PRICKLE2: variants seen among roughly 807,000 people sequenced by gnomAD.
PRICKLE2 encodes the protein prickle-like protein 2.
A neutral mutation model predicts 81.4 loss-of-function variants in PRICKLE2; 21 were observed. That is an observed-to-expected ratio of 0.26 (90% CI 0.18 to 0.37). The LOEUF is 0.37. PRICKLE2 is among the 10% of genes least tolerant of loss of function. The probability of loss-of-function intolerance (pLI) is 1.00; values close to 1 mark genes in which losing one functional copy is unlikely to be tolerated. For synonymous variants in PRICKLE2, 456 were observed against 421.5 expected, an observed-to-expected ratio of 1.08 and a Z score of -1.00; for missense variants, 940 against 1,109.0, an observed-to-expected ratio of 0.85 and a Z score of 2.16.
chr3:64,263,938 G>A (rs1482132312), intron 2 of PRICKLE2, among the ~76,000 whole-genome samples: 1 of 152,114 alleles, frequency 6.6e-6, no homozygotes, highest in Non-Finnish European at 1.5e-5. Context: ...GGGACCTCAT[G>A]GACTGCTGTC....
chr3:64,152,552 A>AT (rs11331326), intron 6 of PRICKLE2, among the ~76,000 whole-genome samples: 160 of 144,740 alleles, frequency 1.1e-3, no homozygotes, highest in South Asian at 2.0e-3. Flanking sequence ...AGCTTTTGCT[A>AT]TTTTTTTTTT....
chr3:64,153,743 A>G, intron 5 of PRICKLE2: 1 of 263,802 alleles, frequency 3.8e-6, no homozygotes, highest in East Asian at 9.6e-5. Flanking sequence ...AAAATATCAT[A>G]TTAACACTTG....
intron 2 of PRICKLE2, among the ~76,000 whole-genome samples, chr3:64,241,110 C>G (rs1324424799): frequency 6.6e-6 from 1 of 152,234 alleles, no homozygotes; most frequent in Non-Finnish European, 1.5e-5. Context: ...TCATAGAATG[C>G]AAGCTGTCAC....
At chr3:64,165,061 G>T (rs17720984) in intron 2 of PRICKLE2, among the ~76,000 whole-genome samples, 1 of 152,014 alleles carries the variant, frequency 6.6e-6, no homozygotes, top group Admixed American at 6.5e-5. Context: ...TTCCATTGTC[G>T]TTATGGAACA....
intron 7 of PRICKLE2, among the ~76,000 whole-genome samples, chr3:64,137,580 A>G (rs920106440): frequency 6.6e-6 from 1 of 152,220 alleles, no homozygotes; most frequent in Non-Finnish European, 1.5e-5. Flanking sequence ...CTCCGGGCCC[A>G]GAAAATGTCA....
Position 64,258,845 on chromosome 3 carries a change from A to AAAGAAAGAAAGAAAAGAAAGAAAGAAAG in PRICKLE2, c.129-59879_129-59878insCTTTCTTTCTTTCTTTTCTTTCTTTCTT, listed in dbSNP as rs1553663504. ...TCTCAAAAAAAAAAAAAAAAAAAAA[A>AAAGAAAGAAAGAAAAGAAAGAAAGAAAG]AAAGAAAGAAAGAAAGAAAGAAAGA... On this transcript the variant is annotated intron_variant, in intron 2 of 8. Coordinates refer to the PRICKLE2 transcript ENST00000295902. 2.6e-4 allele frequency among the ~76,000 whole-genome samples: 9 copies of AAAGAAAGAAAGAAAAGAAAGAAAGAAAG among 34,008 alleles called. 1 individual carries two copies. The highest frequency in any genetic ancestry group is 9.0e-4 in the African/African-American group (7 of 7,746). The allele number at this position is 34,008 out of a possible 152,430, so 22.3% of individuals were successfully genotyped here.
At chr3:64,235,053 T>C (rs952879498) in intron 2 of PRICKLE2, among the ~76,000 whole-genome samples, 3 of 152,174 alleles carry the variant, frequency 2.0e-5, no homozygotes, top group Non-Finnish European at 4.4e-5. Flanking sequence ...GCTCTGTTTA[T>C]TTATTTTCAC....
intron 2 of PRICKLE2, among the ~76,000 whole-genome samples, chr3:64,175,550 T>A (rs1164887464): frequency 1.3e-5 from 2 of 152,234 alleles, no homozygotes; most frequent in Non-Finnish European, 2.9e-5. Flanking sequence ...TTTCTTCATA[T>A]GAAACTGAAT....
intron 2 of PRICKLE2, among the ~76,000 whole-genome samples, chr3:64,248,439 C>A (rs778455172): frequency 1.6e-4 from 25 of 152,116 alleles, no homozygotes; most frequent in Non-Finnish European, 3.5e-4. Context: ...TGCCGGGACA[C>A]CCACATATGC....
intron 1 of PRICKLE2, among the ~76,000 whole-genome samples, chr3:64,213,410 G>A (rs1466160287): frequency 6.6e-6 from 1 of 152,150 alleles, no homozygotes; most frequent in Non-Finnish European, 1.5e-5. Context: ...GTTGCAATAA[G>A]GCAGACAGGT....
chr3:64,101,899 A>G (rs989303173), intron 7 of PRICKLE2: 1 of 152,230 alleles, frequency 6.6e-6, no homozygotes, highest in African/African-American at 2.4e-5. Flanking sequence ...AACTAAACAA[A>G]GGTAAAATCA....
rs760984965 is a variant in PRICKLE2 at position 64,157,193 on chromosome 3, C to T, written c.569G>A (p.Cys190Tyr). 29 of 1,614,026 alleles carry T rather than the reference C, an allele frequency of 1.8e-5. No homozygotes were observed. Among genetic ancestry groups the T allele is most frequent in the Non-Finnish European group, 2.5e-5 (29 of 1,180,008 alleles). Residue 190 changes from cysteine to tyrosine, a missense_variant, in exon 5 of 8, where the codon TGC becomes TAC. Coordinates refer to ENST00000638394, the MANE Select transcript of PRICKLE2 (RefSeq NM_198859.4). ...GCAGGCAGCACAGCGCGGCTTCAGGCACTCAGCATGGTGCCTGCCACAGTA... is the reference window on the plus strand; with the variant it reads ...GCAGGCAGCACAGCGCGGCTTCAGGTACTCAGCATGGTGCCTGCCACAGTA... Reference protein sequence around the residue: ...KIYCGRHHAECLKPRCAACDE... With the variant: ...KIYCGRHHAEYLKPRCAACDE...
At chr3:64,241,491 T>C (rs1352547518) in intron 2 of PRICKLE2, among the ~76,000 whole-genome samples, 2 of 152,258 alleles carry the variant, frequency 1.3e-5, no homozygotes, top group Non-Finnish European at 2.9e-5. Flanking sequence ...TATGTACTTA[T>C]GTGTGCATGC....
In PRICKLE2 at chr3:64,147,399, C is replaced by T. The variant is rs372367565; in HGVS notation, c.1091G>A (p.Arg364Gln). Residue 364 changes from arginine (R) to glutamine (Q), a missense_variant, in exon 7 of 8, where the codon CGG becomes CAG. This residue lies in a region of PRICKLE2 where 670 missense variants were observed against 717.2 expected (regional missense o/e 0.93). Transcript: ENST00000638394. The surrounding 1 kb of genome is among the most constrained non-coding windows in gnomAD (Gnocchi z 5.0). ...QHSQLQVSSN[R>Q]LSADVDPLSL... is the part of the protein sequence containing the mutation. ...CAGGGGGTCTACGTCGGCTGACAGCCGGTTAGAACTCACTTGCAGCTGGCT... is the reference window on the plus strand; with the variant it reads ...CAGGGGGTCTACGTCGGCTGACAGCTGGTTAGAACTCACTTGCAGCTGGCT... The T allele has an allele frequency of 2.0e-4, 328 of 1,614,122 alleles. No homozygotes were observed. The highest frequency in any genetic ancestry group is 2.7e-4 in the Non-Finnish European group (318 of 1,180,050).
At chr3:64,170,227 G>T (rs977350614) in intron 2 of PRICKLE2, among the ~76,000 whole-genome samples, 1 of 152,146 alleles carries the variant, frequency 6.6e-6, no homozygotes, top group Non-Finnish European at 1.5e-5. Context: ...TCTCCATCAT[G>T]TTGAACTCCC....
rs1237374005 is a variant in PRICKLE2, at chr3:64,238,509, A to G, written c.129-39542T>C. 4.0e-5 allele frequency among the ~76,000 whole-genome samples: 6 copies of G among 151,812 alleles called. No homozygotes were observed. The East Asian group carries it at 1.2e-3, about 29-fold the overall frequency. ...TCAAAAAAAAAAAAAAAGAAAAAAG[A>G]AAAGAAAAGAAAAGAAAAAAGAAAA... On this transcript the variant is annotated intron_variant, in intron 2 of 8. Coordinates refer to the PRICKLE2 transcript ENST00000295902.
chr3:64,185,512 G>A (rs1010253753), intron 2 of PRICKLE2, among the ~76,000 whole-genome samples: 4 of 152,308 alleles, frequency 2.6e-5, no homozygotes, highest in South Asian at 4.1e-4. Context: ...CTGTCCTTGG[G>A]AGCTTAGAGA....
At chr3:64,263,174 A>G (rs1172747403) in intron 2 of PRICKLE2, among the ~76,000 whole-genome samples, 1 of 152,216 alleles carries the variant, frequency 6.6e-6, no homozygotes, top group Admixed American at 6.5e-5. Flanking sequence ...GGTATTCCCA[A>G]TATCACAGTA....
intron 2 of PRICKLE2, among the ~76,000 whole-genome samples, chr3:64,190,080 T>C (rs2078304946): frequency 6.6e-6 from 1 of 152,204 alleles, no homozygotes; most frequent in South Asian, 2.1e-4. Flanking sequence ...CTGATTTTAT[T>C]TCACTTCTGA....
Sources: gnomAD v4.1 joint callset for allele counts (sites outside exome capture counted in the v4.1 genomes callset) on GRCh38, gnomAD v4.1.1 for gene constraint, gnomAD v4.1.1 regional missense constraint, Gnocchi (gnomAD v3.1) non-coding constraint, MANE v1.5 for transcripts, NCBI Gene and HGNC (gene_info 2026-07-23, HGNC 2026-07-21) for gene names.